VWA8: variants seen among roughly 807,000 people sequenced by gnomAD.
VWA8 encodes the protein von Willebrand factor A domain containing 8.
A neutral mutation model predicts 241.5 loss-of-function variants in VWA8; 221 were observed. The observed-to-expected ratio is 0.91, with a 90% CI of 0.82 to 1.02. The LOEUF (loss-of-function observed/expected upper bound fraction) is 1.02. Among genes scored for constraint, VWA8 ranks in the 50% least tolerant of loss-of-function variants. VWA8 has a pLI of 0.00. For missense variants in VWA8, 2,322 were observed against 2,328.7 expected, an observed-to-expected ratio of 1.00 and a Z score of 0.06; for synonymous variants, 852 against 827.1, an observed-to-expected ratio of 1.03 and a Z score of -0.52.
At chr13:41,664,160 T>C (rs2044970945) in intron 37 of VWA8, among the ~76,000 whole-genome samples, 1 of 151,944 alleles carries the variant, frequency 6.6e-6, no homozygotes, top group Non-Finnish European at 1.5e-5. Context: ...CATTTAATAA[T>C]GGTTTTAGTC....
chr13:41,627,190 T>C (rs7986443), intron 37 of VWA8, among the ~76,000 whole-genome samples: 9,824 of 152,090 alleles, frequency 0.065, 603 homozygotes, highest in African/African-American at 0.16. Context: ...ATTAGAGAAA[T>C]GCAAATCACA....
chr13:41,766,807 G>A (rs1232421740), intron 20 of VWA8, among the ~76,000 whole-genome samples: 1 of 152,126 alleles, frequency 6.6e-6, no homozygotes, highest in Non-Finnish European at 1.5e-5. Context: ...CAGGTCCTTG[G>A]CAGGTAGACA....
chr13:41,921,983 C>T (rs1306301306), intron 2 of VWA8, among the ~76,000 whole-genome samples: 1 of 152,176 alleles, frequency 6.6e-6, no homozygotes, highest in Non-Finnish European at 1.5e-5. Context: ...CCAAGTCAAT[C>T]CTAAGCCAAT....
intron 40 of VWA8, among the ~76,000 whole-genome samples, chr13:41,598,760 C>T (rs986818614): frequency 6.6e-6 from 1 of 151,880 alleles, no homozygotes; most frequent in African/African-American, 2.4e-5. Flanking sequence ...TCAGGGACAA[C>T]TAATGTAAAA....
intron 2 of VWA8, among the ~76,000 whole-genome samples, chr13:41,931,153 GAAA>G (rs78987239): frequency 1.3e-5 from 1 of 78,746 alleles, no homozygotes; most frequent in Admixed American, 1.4e-4. Flanking sequence ...CGTCTCAGGG[GAAA>G]AAAAAAAAAA....
At chr13:41,884,788 T>C (rs9566875) in intron 8 of VWA8, among the ~76,000 whole-genome samples, 9,813 of 152,166 alleles carry the variant, frequency 0.064, 400 homozygotes, top group East Asian at 0.12. Flanking sequence ...AAAGATTTGA[T>C]AAAAGTATAA....
At chr13:41,741,865 G>T (rs1381297485) in intron 21 of VWA8, among the ~76,000 whole-genome samples, 3 of 152,164 alleles carry the variant, frequency 2.0e-5, no homozygotes, top group Non-Finnish European at 4.4e-5. Flanking sequence ...GATGACAAGG[G>T]CTGTAACAGA....
chr13:41,793,689 G>A (rs997938951), intron 17 of VWA8, among the ~76,000 whole-genome samples: 2 of 152,116 alleles, frequency 1.3e-5, no homozygotes, highest in Non-Finnish European at 2.9e-5. Flanking sequence ...GGTGGTGCAC[G>A]CCTGTAGCTC....
intron 42 of VWA8, among the ~76,000 whole-genome samples, chr13:41,576,610 G>GCCC: frequency 6.6e-6 from 1 of 152,342 alleles, no homozygotes; most frequent in East Asian, 1.9e-4. Flanking sequence ...CTGGGGGAGA[G>GCCC]ATGTGGCTAG....
At chr13:41,622,379 G>A (rs1045237168) in intron 37 of VWA8, among the ~76,000 whole-genome samples, 1 of 152,174 alleles carries the variant, frequency 6.6e-6, no homozygotes, top group Non-Finnish European at 1.5e-5. Context: ...TTTCATGTGC[G>A]TGTTGAAAAG....
chr13:41,830,431 A>G, intron 14 of VWA8, 98 bp downstream of exon 14: 1 of 1,010,316 alleles, frequency 9.9e-7, no homozygotes, highest in South Asian at 1.6e-5. Context: ...AATTGTTCAA[A>G]GTTATCTTGG....
At chr13:41,711,210 A>C (rs1246268127) in intron 26 of VWA8, among the ~76,000 whole-genome samples, 1 of 152,216 alleles carries the variant, frequency 6.6e-6, no homozygotes, top group East Asian at 1.9e-4. Flanking sequence ...GTTACTACTT[A>C]TTTGGCTTCC....
chr13:41,600,513 A>G (rs1289030201), intron 40 of VWA8, among the ~76,000 whole-genome samples: 1 of 152,060 alleles, frequency 6.6e-6, no homozygotes. Flanking sequence ...GCCTTAGTTG[A>G]CACATCTTCC....
chr13:41,959,236 T>C (rs1160996641), intron 1 of VWA8, among the ~76,000 whole-genome samples: 1 of 152,190 alleles, frequency 6.6e-6, no homozygotes, highest in Non-Finnish European at 1.5e-5. Context: ...AGATATATTC[T>C]TCTTATCCTT....
At chr13:41,866,159 C>A (rs1002390100) in intron 10 of VWA8, 123 bp from the exon 11 acceptor site, 13 of 1,240,408 alleles carry the variant, frequency 1.0e-5, no homozygotes, top group Middle Eastern at 5.5e-4. Context: ...ACCAGCCTGG[C>A]CAATATGGTG....
At chr13:41,663,902 T>C (rs758199260) in intron 37 of VWA8, among the ~76,000 whole-genome samples, 36 of 151,330 alleles carry the variant, frequency 2.4e-4, no homozygotes, top group Non-Finnish European at 4.7e-4. Context: ...AAGTGCTGAA[T>C]AGCTCATGTA....
At chr13:41,778,668 A>G (rs1049077577) in intron 19 of VWA8, among the ~76,000 whole-genome samples, 1 of 152,012 alleles carries the variant, frequency 6.6e-6, no homozygotes, top group Admixed American at 6.6e-5. Flanking sequence ...GGCTGGGAAG[A>G]GATCTACACT....
intron 18 of VWA8, among the ~76,000 whole-genome samples, chr13:41,784,794 A>G (rs1202040468): frequency 2.1e-5 from 3 of 144,728 alleles, no homozygotes; most frequent in Non-Finnish European, 4.5e-5. Flanking sequence ...AACAAAATAA[A>G]TATTTTAAAA....
At chr13:41,830,903 G>A (rs561961050) in intron 13 of VWA8, among the ~76,000 whole-genome samples, 33 of 152,062 alleles carry the variant, frequency 2.2e-4, no homozygotes, top group Non-Finnish European at 4.4e-4. Context: ...AAGAAAAGAG[G>A]AGGAGGAAGG....
Sources: gnomAD v4.1 joint callset for allele counts (sites outside exome capture counted in the v4.1 genomes callset) on GRCh38, gnomAD v4.1.1 for gene constraint, MANE v1.5 for transcripts, NCBI Gene and HGNC (gene_info 2026-07-23, HGNC 2026-07-21) for gene names.